ZBTB11: variants seen among roughly 807,000 people sequenced by gnomAD.
The protein encoded by ZBTB11 is zinc finger and BTB domain containing 11, also known as zinc finger and BTB domain-containing protein 11.
In ZBTB11, 68 loss-of-function variants were observed where a neutral mutation model predicts 113.1. The observed-to-expected ratio is 0.60, with a 90% CI of 0.49 to 0.74. ZBTB11 has a LOEUF of 0.74. Among genes scored for constraint, ZBTB11 ranks in the 30% least tolerant of loss-of-function variants. ZBTB11 has a pLI of 0.00. For synonymous variants in ZBTB11, 518 were observed against 452.6 expected (o/e 1.14, Z -1.83); for missense variants, 1,104 against 1,279.4 (o/e 0.86, Z 2.09).
chr3:101,651,673 T>C lies in ZBTB11; in HGVS notation c.2655A>G (p.Pro885=), dbSNP rs748877015. Residue 885 remains proline, a synonymous_variant, in exon 11 of 11, where the codon CCA becomes CCG. Transcript: ENST00000312938. ...RHMNNHEGVK[P]FECLTCGVAW... is the part of the protein sequence containing the mutation. ...CTACTCCACATGTTAAGCACTCAAA[T>C]GGCTTAACTCCTAAAAAAAAAAAAA... is the stretch of plus-strand genomic sequence containing the variant. The C allele has an allele frequency of 6.7e-7, 1 of 1,486,966 alleles. No individual in the cohort carries two copies. Among genetic ancestry groups the C allele is most frequent in the South Asian group, 1.4e-5 (1 of 72,632 alleles). The allele number at this position is 1,486,966 out of a possible 1,614,324, so 92.1% of individuals were successfully genotyped here.
At position 101,657,122 on chromosome 3, in the gene ZBTB11, C is replaced by CAGA. The variant is rs374989561; in HGVS notation, c.2047-877_2047-875dup. ...TGCTACTGCACTCCAGCCTCAGTGA[C>CAGA]AGAGCAAGAATCAGTCTCAAAAAAA... On this transcript the variant is annotated intron_variant, in intron 6 of 10. Coordinates refer to ENST00000312938, the MANE Select transcript of ZBTB11 (RefSeq NM_014415.4). 2.8e-3 allele frequency among the ~76,000 whole-genome samples: 327 copies of CAGA among 117,578 alleles called. 1 individual carries two copies. The highest frequency in any genetic ancestry group is 0.01 in the African/African-American group (309 of 29,880). The allele number at this position is 117,578 out of a possible 152,430, so 77.1% of individuals were successfully genotyped here.
At chr3:101,666,631 T>C (rs1163023343) in intron 3 of ZBTB11, among the ~76,000 whole-genome samples, 1 of 152,218 alleles carries the variant, frequency 6.6e-6, no homozygotes, top group Non-Finnish European at 1.5e-5. Flanking sequence ...AATATTCACA[T>C]GAATCAAAAA....
intron 3 of ZBTB11, among the ~76,000 whole-genome samples, chr3:101,669,825 T>C (rs1937055870): frequency 1.3e-5 from 2 of 150,640 alleles, no homozygotes; most frequent in Non-Finnish European, 3.0e-5. Context: ...AGAAAGCTAT[T>C]AGTGCTTTTT....
chr3:101,669,388 G>A (rs1282326215), intron 3 of ZBTB11, among the ~76,000 whole-genome samples: 5 of 152,100 alleles, frequency 3.3e-5, no homozygotes, highest in African/African-American at 4.8e-5. Flanking sequence ...CCTATGATTG[G>A]CTTACATAAT....
At chr3:101,668,300 G>A (rs1485300372) in intron 3 of ZBTB11, among the ~76,000 whole-genome samples, 2 of 152,070 alleles carry the variant, frequency 1.3e-5, no homozygotes, top group South Asian at 2.1e-4. Context: ...CTATAGCACC[G>A]CAAGGTATAT....
chr3:101,656,036 G>C lies in ZBTB11; in HGVS notation c.2191+68C>G, dbSNP rs568758539. On this transcript the variant is annotated intron_variant, in intron 7 of 10. Transcript: ENST00000312938. ...CTATCAGTTTATCAATATAATTTCT[G>C]GTATAATTAAAGCATAATCATTAAT... The C allele has an allele frequency of 2.5e-5, 29 of 1,147,868 alleles. No individual in the cohort carries two copies. In the African/African-American group the frequency reaches 4.2e-4, roughly 17 times the overall value. The allele number at this position is 1,147,868 out of a possible 1,614,324, so 71.1% of individuals were successfully genotyped here.
rs763759795 is a variant in ZBTB11 at position 101,672,135 on chromosome 3, G to A, written c.389C>T (p.Ser130Leu). The change falls in exon 2 of 11, where the codon TCA becomes TTA. Residue 130 changes from serine (S) to leucine (L), a missense_variant. Physicochemically the swap from Ser to Leu is moderately radical, Grantham distance 145. This residue lies in a region of ZBTB11 where 245 missense variants were observed against 272.5 expected (regional missense o/e 0.90). Coordinates refer to ENST00000312938, the MANE Select transcript of ZBTB11 (RefSeq NM_014415.4). Reference sequence around the variant, plus strand: ...TTCTTCCAACATTTCTGAAACATCTGATATTGGACGGGATCGATCTAGTTT... The same window carrying A: ...TTCTTCCAACATTTCTGAAACATCTAATATTGGACGGGATCGATCTAGTTT... ...QEKLDRSRPI[S>L]DVSEMLEELG... The A allele has an allele frequency of 4.6e-5, 75 of 1,614,014 alleles. No homozygotes were observed. Among genetic ancestry groups the A allele is most frequent in the Non-Finnish European group, 5.9e-5 (70 of 1,180,032 alleles).
rs1274489414 is a variant in ZBTB11, at chr3:101,659,941, A to C, written c.1888T>G (p.Ser630Ala). 6.2e-7 allele frequency: 1 copy of C among 1,614,200 alleles called. No individual in the cohort carries two copies. ...TRKDAPSSSSSNSTSNEASGT... is the reference protein window; with the variant it reads ...TRKDAPSSSSANSTSNEASGT... ...GATGCTTCATTAGACGTGGAATTGG[A>C]CGAGGATGAAGAGGGTGCATCTTTT... The change falls in exon 6 of 11, where the codon TCC becomes GCC. Residue 630 changes from serine to alanine, a missense_variant. Physicochemically the swap from Ser to Ala is moderately conservative, Grantham distance 99 (BLOSUM62 1). Around this residue, in one of 5 missense-constraint regions of ZBTB11, gnomAD observed 535 missense variants for 518.6 expected, o/e 1.03. Coordinates refer to ENST00000312938, the MANE Select transcript of ZBTB11 (RefSeq NM_014415.4).
At position 101,651,308 on chromosome 3, in the gene ZBTB11, G is replaced by T; in HGVS notation, c.3020C>A (p.Ser1007Ter). Residue 1007 changes from serine to a stop codon, truncating the protein, a stop_gained, in exon 11 of 11, where the codon TCG (serine) becomes TAG (stop). Transcript: ENST00000312938. LOFTEE classifies it high-confidence loss of function. Reference protein sequence around the residue: ...EAVAATEEYPSVSTLSDQSIM... With the variant: ...EAVAATEEYP ...ACTTTGGTCAGAAAGTGTAGATACC[G>T]ATGGATACTCTTCAGTAGCTGCAAC... 1 of 1,614,118 alleles carries T rather than the reference G, an allele frequency of 6.2e-7. No individual in the cohort carries two copies. Among genetic ancestry groups the T allele is most frequent in the South Asian group, 1.1e-5 (1 of 91,082 alleles).
chr3:101,672,287 C>T (rs190585656), intron 1 of ZBTB11, 74 bp from the exon 2 acceptor site: 1 of 1,016,520 alleles, frequency 9.8e-7, no homozygotes, highest in East Asian at 2.5e-5. Context: ...AGTCTGTGCA[C>T]ATTAACACAT....
chr3:101,676,578 G>A (rs778605888), intron 1 of ZBTB11, 27 bp downstream of exon 1: 4 of 1,458,796 alleles, frequency 2.7e-6, no homozygotes, highest in African/African-American at 2.9e-5. Context: ...TCGCCAGCCC[G>A]CCCCCTCGCC....
chr3:101,670,824 C>A lies in ZBTB11; in HGVS notation c.778+306G>T, dbSNP rs975883576. The A allele has an allele frequency of 1.4e-5, 4 of 276,668 alleles. No homozygotes were observed. The East Asian group carries it at 2.8e-4, about 20-fold the overall frequency. 17.1% of individuals were successfully genotyped at this position (276,668 alleles called of 1,614,324 possible). A position where few individuals can be genotyped will look rare whatever the true frequency, so the allele number is the denominator to read the frequency against. The stretch of plus-strand genomic sequence containing the variant: ...ACAATCAATTTTTAAATAACATATT[C>A]ATTTAATGTAATAATTTTGTTGCAC... On this transcript the variant is annotated intron_variant, in intron 3 of 10. Coordinates refer to ENST00000312938, the MANE Select transcript of ZBTB11 (RefSeq NM_014415.4).
At position 101,652,982 on chromosome 3, in the gene ZBTB11, T is replaced by C. The variant is rs568669389; in HGVS notation, c.2310-44A>G. 22 of 1,548,456 alleles carry C rather than the reference T, an allele frequency of 1.4e-5. No individual in the cohort carries two copies. In the African/African-American group the frequency reaches 2.6e-4, roughly 18 times the overall value. On this transcript the variant is annotated intron_variant, in intron 8 of 10. Transcript: ENST00000312938. ...ACCCAATTGGATAATCTTATTCCTT[T>C]AAAACAAGTTTCCAAGAACTCAGTA...
Position 101,651,587 on chromosome 3 carries a change from T to C in ZBTB11, c.2741A>G (p.Tyr914Cys). 2 of 1,613,464 alleles carry C rather than the reference T, an allele frequency of 1.2e-6. No individual in the cohort carries two copies. The highest frequency in any genetic ancestry group is 1.7e-6 in the Non-Finnish European group (2 of 1,179,972). ...GGCTTCGCTACATACAGGACAGACA[T>C]AGGGCCGTTCACCAGTATGTGTTCT... The part of the protein sequence containing the change: ...HVRTHTGERP[Y>C]VCPVCSEAYI... Residue 914 changes from tyrosine (Y) to cysteine (C), a missense_variant, in exon 11 of 11, where the codon TAT becomes TGT. By Grantham distance (194) the Tyr-to-Cys change is radical. Around this residue, in one of 5 missense-constraint regions of ZBTB11, gnomAD observed 148 missense variants for 259.3 expected, o/e 0.57. Transcript: ENST00000312938.
At chr3:101,676,038 T>C (rs1937162178) in intron 1 of ZBTB11, among the ~76,000 whole-genome samples, 2 of 152,210 alleles carry the variant, frequency 1.3e-5, no homozygotes, top group Non-Finnish European at 2.9e-5. Flanking sequence ...CAATCACTCC[T>C]TATCACTTCT....
chr3:101,671,664 T>C (rs1937087972), intron 2 of ZBTB11: 1 of 574,644 alleles, frequency 1.7e-6, no homozygotes, highest in Non-Finnish European at 3.1e-6. Flanking sequence ...CAGATTAATT[T>C]TACCTTGGGG....
chr3:101,653,466 T>C (rs903077328), intron 8 of ZBTB11, among the ~76,000 whole-genome samples: 6 of 152,186 alleles, frequency 3.9e-5, no homozygotes, highest in Non-Finnish European at 7.3e-5. Flanking sequence ...ACCACTGCCA[T>C]TGTCTTGTCC....
In ZBTB11 at chr3:101,651,412, C is replaced by T. The variant is rs749270421; in HGVS notation, c.2916G>A (p.Met972Ile). The T allele has an allele frequency of 2.5e-6, 4 of 1,614,154 alleles. No homozygotes were observed. In the South Asian group the frequency reaches 4.4e-5, roughly 18 times the overall value. Residue 972 changes from methionine (M) to isoleucine (I), a missense_variant, in exon 11 of 11, where the codon ATG (methionine) becomes ATA (isoleucine). Coordinates refer to ENST00000312938, the MANE Select transcript of ZBTB11 (RefSeq NM_014415.4). Reference sequence around the variant, plus strand: ...GAGGACCACTGCTTTCTTGTTCCTGCATGCCTGCTGTTAAGATGCTAACAG... The same window carrying T: ...GAGGACCACTGCTTTCTTGTTCCTGTATGCCTGCTGTTAAGATGCTAACAG... ...AHAVSILTAG[M>I]QEQESSGPQE...
chr3:101,652,927 C>T lies in ZBTB11; in HGVS notation c.2321G>A (p.Ser774Asn), dbSNP rs763739830. The T allele has an allele frequency of 6.2e-7, 1 of 1,611,418 alleles. No homozygotes were observed. Among genetic ancestry groups the T allele is most frequent in the South Asian group, 1.1e-5 (1 of 90,816 alleles). ...RGYHCTQCEK[S>N]FFEARDLRQH... Reference sequence around the variant, plus strand: ...GCGAAGATCTCTAGCTTCAAAGAAACTTTTTTCACATCTGCAATAAAGTTC... The same window carrying T: ...GCGAAGATCTCTAGCTTCAAAGAAATTTTTTTCACATCTGCAATAAAGTTC... The change falls in exon 9 of 11, where the codon AGT becomes AAT. Residue 774 changes from serine (S) to asparagine (N), a missense_variant. By Grantham distance (46) the Ser-to-Asn change is conservative (BLOSUM62 1). Around this residue, in one of 5 missense-constraint regions of ZBTB11, gnomAD observed 148 missense variants for 259.3 expected, o/e 0.57. Coordinates refer to ENST00000312938, the MANE Select transcript of ZBTB11 (RefSeq NM_014415.4).
Sources: allele counts gnomAD v4.1 joint callset (sites outside exome capture counted in the v4.1 genomes callset), GRCh38; gene constraint gnomAD v4.1.1; regional missense constraint gnomAD v4.1.1; transcripts MANE v1.5; gene names NCBI Gene and HGNC (gene_info 2026-07-23, HGNC 2026-07-21).